Variants in EIF3A observed in about 807,000 individuals in gnomAD.
EIF3A encodes EIF3, p180 subunit.
EIF3A carries 21 observed loss-of-function variants against 186.6 expected under a neutral mutation model. The ratio of observed to expected loss-of-function variants is 0.11; its 90% CI spans 0.08 to 0.16. The LOEUF is 0.16. EIF3A is among the 10% of genes least tolerant of loss of function. EIF3A has a pLI of 1.00. For missense variants in EIF3A, 1,306 were observed against 1,796.3 expected (o/e 0.73, Z 4.93); for synonymous variants, 563 against 584.3 (o/e 0.96, Z 0.52).
chr10:119,079,013 GAGT>G (rs1564763769), intron 1 of EIF3A, among the ~76,000 whole-genome samples: 1 of 152,110 alleles, frequency 6.6e-6, no homozygotes, highest in Non-Finnish European at 1.5e-5. Flanking sequence ...CAGCCATGCA[GAGT>G]AGTAATTTCA....
chr10:119,061,800 C>A (rs975636048), intron 7 of EIF3A, among the ~76,000 whole-genome samples: 3 of 152,106 alleles, frequency 2.0e-5, no homozygotes. Flanking sequence ...CTACATAGAA[C>A]ACATGAATAA....
intron 11 of EIF3A, 130 bp downstream of exon 11, chr10:119,059,082 C>T (rs1589691165): frequency 2.6e-6 from 2 of 758,496 alleles, no homozygotes; most frequent in Non-Finnish European, 2.2e-6. Flanking sequence ...CTACCAAGTA[C>T]AATTCTATAG....
intron 19 of EIF3A, among the ~76,000 whole-genome samples, chr10:119,038,835 G>A (rs904065683): frequency 6.6e-6 from 1 of 152,104 alleles, no homozygotes; most frequent in South Asian, 2.1e-4. Context: ...TGAGGCATGA[G>A]AACTGCTTGA....
intron 17 of EIF3A, among the ~76,000 whole-genome samples, chr10:119,049,563 AAG>A (rs1187878695): frequency 2.0e-5 from 3 of 150,702 alleles, no homozygotes; most frequent in East Asian, 2.0e-4. Flanking sequence ...GGTATCATGG[AAG>A]AGAACTGGGT....
intron 4 of EIF3A, 61 bp downstream of exon 4, chr10:119,072,828 AG>A: frequency 6.5e-7 from 1 of 1,540,474 alleles, no homozygotes; most frequent in Non-Finnish European, 8.7e-7. Flanking sequence ...AGTACTTTTC[AG>A]AAAATTTACT....
chr10:119,037,572 T>C (rs913210746), intron 20 of EIF3A, among the ~76,000 whole-genome samples: 2 of 152,150 alleles, frequency 1.3e-5, no homozygotes, highest in Non-Finnish European at 1.5e-5. Context: ...CCATCAACCA[T>C]ATATTCTAAG....
intron 3 of EIF3A, 109 bp from the exon 4 acceptor site, chr10:119,073,162 T>C (rs930693108): frequency 1.9e-6 from 2 of 1,066,368 alleles, no homozygotes; most frequent in African/African-American, 1.6e-5. Flanking sequence ...CTTCCCACAA[T>C]ATGTACACAC....
intron 14 of EIF3A, among the ~76,000 whole-genome samples, chr10:119,051,999 G>A (rs540625113): frequency 6.6e-6 from 1 of 152,184 alleles, no homozygotes; most frequent in South Asian, 2.1e-4. Flanking sequence ...CAGCATGGCA[G>A]ATACTAAAGG....
intron 14 of EIF3A, among the ~76,000 whole-genome samples, chr10:119,052,841 T>C (rs1055018524): frequency 6.6e-6 from 1 of 152,206 alleles, no homozygotes; most frequent in African/African-American, 2.4e-5. Flanking sequence ...ACAAATGGCA[T>C]CTGGAATAAA....
At chr10:119,069,301 C>A in intron 6 of EIF3A, 145 bp downstream of exon 6, 1 of 608,680 alleles carries the variant, frequency 1.6e-6, no homozygotes, top group Middle Eastern at 4.5e-4. Flanking sequence ...CTGCAGTACA[C>A]AAGACAGCCC....
chr10:119,037,071 C>T (rs200178082), intron 21 of EIF3A, 48 bp downstream of exon 21: 18 of 973,286 alleles, frequency 1.8e-5, no homozygotes, highest in Middle Eastern at 2.6e-4. Flanking sequence ...CCCCCCCCCC[C>T]CAGAAACGAC....
chr10:119,065,247 C>T lies in EIF3A; in HGVS notation c.1122+152G>A, dbSNP rs141180491. 1,114 of 598,654 alleles carry T rather than the reference C, an allele frequency of 1.9e-3. 12 individuals are homozygous for T. The highest frequency in any genetic ancestry group is 0.018 in the African/African-American group (972 of 54,032). The allele number at this position is 598,654 out of a possible 1,614,324, so 37.1% of individuals were successfully genotyped here. ...CTCACCCACTGGCGCGGAACTGCCT[C>T]AAGTGAACAGTGATTGACACCAGTG... On this transcript the variant is annotated intron_variant, in intron 7 of 21. Transcript: ENST00000369144.
rs1310076005 is a variant in EIF3A, at chr10:119,046,629, A to G, written c.2659-2487T>C. Among the ~76,000 whole-genome samples, 3 of 152,316 alleles carry G rather than the reference A, an allele frequency of 2.0e-5. No homozygotes were observed. The East Asian group carries it at 5.8e-4, about 29-fold the overall frequency. ...TCTGAAGAGGCAAAGGAAAGTTGTA[A>G]TTTATACTGTGGAAGTTTTTTTAAA... On this transcript the variant is annotated intron_variant, in intron 17 of 21. Transcript: ENST00000369144.
At chr10:119,070,200 T>C (rs991981988) in intron 5 of EIF3A, among the ~76,000 whole-genome samples, 9 of 152,158 alleles carry the variant, frequency 5.9e-5, no homozygotes, top group Non-Finnish European at 8.8e-5. Flanking sequence ...CCGTCAAATA[T>C]ACAAAAGACT....
chr10:119,058,661 T>A (rs535867522), intron 11 of EIF3A, among the ~76,000 whole-genome samples: 4 of 152,304 alleles, frequency 2.6e-5, no homozygotes, highest in African/African-American at 9.6e-5. Flanking sequence ...GGCGGGTGGA[T>A]CACTTGAGGC....
chr10:119,059,774 A>T, intron 9 of EIF3A, 56 bp from the exon 10 acceptor site: 1 of 1,109,404 alleles, frequency 9.0e-7, no homozygotes, highest in East Asian at 2.4e-5. Context: ...AGCACTTTTT[A>T]TGTGCAATCT....
At chr10:119,072,501 G>A (rs1358384872) in intron 4 of EIF3A, among the ~76,000 whole-genome samples, 1 of 152,104 alleles carries the variant, frequency 6.6e-6, no homozygotes, top group Non-Finnish European at 1.5e-5. Flanking sequence ...TACCAAGGCT[G>A]GAGTGCAACA....
At chr10:119,068,841 T>C (rs1424943062) in intron 6 of EIF3A, among the ~76,000 whole-genome samples, 1 of 151,100 alleles carries the variant, frequency 6.6e-6, no homozygotes, top group Non-Finnish European at 1.5e-5. Context: ...GGCATGGTGG[T>C]GGGTGCCTGT....
At chr10:119,054,401 G>C (rs1412637104) in intron 14 of EIF3A, among the ~76,000 whole-genome samples, 2 of 151,996 alleles carry the variant, frequency 1.3e-5, no homozygotes, top group Admixed American at 6.6e-5. Context: ...GTGTTCACTG[G>C]AGTAGCATTT....
Sources: allele counts gnomAD v4.1 joint callset (sites outside exome capture counted in the v4.1 genomes callset), GRCh38; gene constraint gnomAD v4.1.1; transcripts MANE v1.5; gene names NCBI Gene and HGNC (gene_info 2026-07-23, HGNC 2026-07-21).